Variants in SLFN12L observed in about 807,000 individuals in gnomAD.
SLFN12L encodes schlafen family member 12 like.
SLFN12L carries 34 observed loss-of-function variants against 34.8 expected under a neutral mutation model. The observed-to-expected ratio is 0.98, with a 90% CI of 0.74 to 1.30. The LOEUF is 1.30. SLFN12L is among the 50% of genes most tolerant of loss of function. The pLI, the probability that SLFN12L is intolerant of heterozygous loss-of-function variation, is 0.00. For missense variants in SLFN12L, 703 were observed against 696.2 expected (o/e 1.01, Z -0.11); for synonymous variants, 259 against 247.5 (o/e 1.05, Z -0.44).
rs1436188213 is a variant in SLFN12L at position 35,473,083 on chromosome 17, C to T, written c.*1840G>A. Among the ~76,000 whole-genome samples the T allele has an allele frequency of 6.6e-6, 1 of 152,168 alleles. No homozygotes were observed. Among genetic ancestry groups the T allele is most frequent in the African/African-American group, 2.4e-5 (1 of 41,422 alleles). On this transcript the variant is annotated 3_prime_UTR_variant, in exon 5 of 5. Transcript: ENST00000628453. Reference sequence around the variant, plus strand: ...TGATGGGATTTTCTAGATATAAAATCATCTCATCTACAAATAAAGACAATT... The same window carrying T: ...TGATGGGATTTTCTAGATATAAAATTATCTCATCTACAAATAAAGACAATT...
At position 35,465,675 on chromosome 17, in the gene SLFN12L, G is replaced by A. The variant is rs1205559449; in HGVS notation, c.*9248C>T. ...CCCAGTGTTGCCTGTTCTTAAACCTGGAAAATAATAAGCAGCAGGCACCTC... is the reference window on the plus strand; with the variant it reads ...CCCAGTGTTGCCTGTTCTTAAACCTAGAAAATAATAAGCAGCAGGCACCTC... On this transcript the variant is annotated 3_prime_UTR_variant, in exon 5 of 5. Transcript: ENST00000628453. 6.6e-6 allele frequency among the ~76,000 whole-genome samples: 1 copy of A among 150,410 alleles called. No homozygotes were observed. Among genetic ancestry groups the A allele is most frequent in the African/African-American group, 2.5e-5 (1 of 40,744 alleles).
At chr17:35,501,887 C>A (rs181471011) in intron 2 of SLFN12L, among the ~76,000 whole-genome samples, 1 of 152,056 alleles carries the variant, frequency 6.6e-6, no homozygotes, top group Non-Finnish European at 1.5e-5. Context: ...TTTAGACCAC[C>A]CCCCACAGTG....
rs71152719 is a variant in SLFN12L, at chr17:35,474,691, G to GA, written c.*231_*232insT. Reference sequence around the variant, plus strand: ...ACTCCTAGCACTTTGGGAGACCGGGGGGGGGGGTTGAATCACGAGGTCAGG... The same window carrying GA: ...ACTCCTAGCACTTTGGGAGACCGGGGAGGGGGGGTTGAATCACGAGGTCAGG... On this transcript the variant is annotated 3_prime_UTR_variant, in exon 5 of 5. Coordinates refer to ENST00000628453, the MANE Select transcript of SLFN12L (RefSeq NM_001363830.2). The GA allele has an allele frequency of 1.3e-5, 5 of 372,212 alleles. No individual in the cohort carries two copies. Among genetic ancestry groups the GA allele is most frequent in the South Asian group, 5.7e-5 (2 of 35,354 alleles). The allele number at this position is 372,212 out of a possible 1,614,324, so 23.1% of individuals were successfully genotyped here.
chr17:35,515,932 G>A (rs960274555), intron 2 of SLFN12L, among the ~76,000 whole-genome samples: 5 of 151,868 alleles, frequency 3.3e-5, no homozygotes, highest in Admixed American at 2.6e-4. Context: ...GTGAGCCACC[G>A]CACCCCGCCA....
chr17:35,477,835 A>G (rs956790913), intron 4 of SLFN12L, among the ~76,000 whole-genome samples: 6 of 152,166 alleles, frequency 3.9e-5, no homozygotes, highest in African/African-American at 9.7e-5. Flanking sequence ...CTACTTTGGA[A>G]ATAATTTGAC....
At chr17:35,500,333 G>A (rs760682840) in intron 2 of SLFN12L, 1 of 152,118 alleles carries the variant, frequency 6.6e-6, no homozygotes, top group African/African-American at 2.4e-5. Flanking sequence ...ATTGTCTTAT[G>A]CCAATTTCTG....
At chr17:35,516,781 T>C (rs1915842340) in intron 2 of SLFN12L, among the ~76,000 whole-genome samples, 1 of 152,222 alleles carries the variant, frequency 6.6e-6, no homozygotes, top group African/African-American at 2.4e-5. Context: ...ATGCAATACA[T>C]AAATGTGATT....
chr17:35,498,733 A>G lies in SLFN12L; in HGVS notation c.87-18538T>C, dbSNP rs369501561. On this transcript the variant is annotated intron_variant, in intron 2 of 4. Transcript: ENST00000628453. ...GTCCATCTCCAAGAAGACAGCTACAACTACCTTATCCACTACCTCCAAAGT... is the reference window on the plus strand; with the variant it reads ...GTCCATCTCCAAGAAGACAGCTACAGCTACCTTATCCACTACCTCCAAAGT... 173 of 1,409,496 alleles carry G rather than the reference A, an allele frequency of 1.2e-4. 1 individual carries two copies. In the Middle Eastern group the frequency reaches 1.5e-3, roughly 12 times the overall value. 87.3% of individuals were successfully genotyped at this position (1,409,496 alleles called of 1,614,324 possible). A position where few individuals can be genotyped will look rare whatever the true frequency, so the allele number is the denominator to read the frequency against.
chr17:35,484,540 T>G (rs1283901699), intron 2 of SLFN12L, among the ~76,000 whole-genome samples: 1 of 152,110 alleles, frequency 6.6e-6, no homozygotes, highest in Non-Finnish European at 1.5e-5. Context: ...CCTGGCAGGG[T>G]GCCCCAGACT....
chr17:35,504,882 T>C (rs1037004148), intron 2 of SLFN12L, among the ~76,000 whole-genome samples: 1 of 152,232 alleles, frequency 6.6e-6, no homozygotes, highest in Admixed American at 6.5e-5. Context: ...GTGGTGGACC[T>C]TTACTAGGCA....
chr17:35,474,668 T>A lies in SLFN12L; in HGVS notation c.*255A>T, dbSNP rs1913875257. 2.7e-6 allele frequency: 1 copy of A among 370,220 alleles called. No homozygotes were observed. Among genetic ancestry groups the A allele is most frequent in the African/African-American group, 2.5e-5 (1 of 40,114 alleles). 22.9% of individuals were successfully genotyped at this position (370,220 alleles called of 1,614,324 possible). A position where few individuals can be genotyped will look rare whatever the true frequency, so the allele number is the denominator to read the frequency against. ...CGGGCGCGGTGGCTCACATCTGTAC[T>A]CCTAGCACTTTGGGAGACCGGGGGG... On this transcript the variant is annotated 3_prime_UTR_variant, in exon 5 of 5. Coordinates refer to ENST00000628453, the MANE Select transcript of SLFN12L (RefSeq NM_001363830.2).
At chr17:35,487,663 G>A (rs1914643211) in intron 2 of SLFN12L, 1 of 1,491,890 alleles carries the variant, frequency 6.7e-7, no homozygotes, top group African/African-American at 1.4e-5. Context: ...TTCTCGTTTC[G>A]TCTGTACCTA....
At chr17:35,489,971 C>T (rs1914765631) in intron 2 of SLFN12L, 9 of 1,491,696 alleles carry the variant, frequency 6.0e-6, no homozygotes, top group Non-Finnish European at 8.3e-6. Flanking sequence ...TTAAAAAGAA[C>T]CCTTAGCAAA....
chr17:35,479,922 A>C lies in SLFN12L; in HGVS notation c.360T>G (p.Asp120Glu), dbSNP rs767286188. 1.2e-6 allele frequency: 2 copies of C among 1,614,000 alleles called. No homozygotes were observed. Among genetic ancestry groups the C allele is most frequent in the South Asian group, 2.2e-5 (2 of 91,056 alleles). The part of the protein sequence containing the change: ...YSYKKDGIGL[D>E]LENSFSNMLP... ...GCATGTTACTAAAAGAATTTTCCAAATCTAGCCCTATTCCATCTTTTTTAT... is the reference window on the plus strand; with the variant it reads ...GCATGTTACTAAAAGAATTTTCCAACTCTAGCCCTATTCCATCTTTTTTAT... The change falls in exon 3 of 5, where the codon GAT becomes GAG. Residue 120 changes from aspartate to glutamate, a missense_variant. Transcript: ENST00000628453.
intron 2 of SLFN12L, among the ~76,000 whole-genome samples, chr17:35,512,409 A>G (rs928525647): frequency 1.6e-5 from 2 of 127,076 alleles, no homozygotes; most frequent in African/African-American, 3.1e-5. Context: ...TCTGTCGCCC[A>G]GGCTGGAGTG....
At chr17:35,516,339 G>A (rs1028234303) in intron 2 of SLFN12L, among the ~76,000 whole-genome samples, 8 of 152,206 alleles carry the variant, frequency 5.3e-5, no homozygotes, top group African/African-American at 1.9e-4. Context: ...CCAGGCATTA[G>A]TTGTCCTAAA....
At chr17:35,493,297 G>T (rs1016389090) in intron 2 of SLFN12L, among the ~76,000 whole-genome samples, 1 of 152,114 alleles carries the variant, frequency 6.6e-6, no homozygotes, top group Non-Finnish European at 1.5e-5. Context: ...GCACTGTGGG[G>T]TTTTTCCTGT....
intron 2 of SLFN12L, among the ~76,000 whole-genome samples, chr17:35,505,379 C>T (rs1007665590): frequency 2.0e-5 from 3 of 152,146 alleles, no homozygotes; most frequent in African/African-American, 7.2e-5. Context: ...TAAGAGTTGG[C>T]CCCTGTGCTT....
At chr17:35,516,517 G>A (rs1349268154) in intron 2 of SLFN12L, among the ~76,000 whole-genome samples, 1 of 152,198 alleles carries the variant, frequency 6.6e-6, no homozygotes, top group Non-Finnish European at 1.5e-5. Flanking sequence ...TTTGTTGTGG[G>A]GGGCTATCCT....
Sources: gnomAD v4.1 joint callset for allele counts (sites outside exome capture counted in the v4.1 genomes callset) on GRCh38, gnomAD v4.1.1 for gene constraint, MANE v1.5 for transcripts, NCBI Gene and HGNC (gene_info 2026-07-23, HGNC 2026-07-21) for gene names.